Variants in VPS51 observed in about 807,000 individuals in gnomAD.
VPS51 encodes vacuolar protein sorting-associated protein 51 homolog.
Under a neutral mutation model 65.1 loss-of-function variants are expected in VPS51, and 55 were observed. The ratio of observed to expected loss-of-function variants is 0.84; its 90% CI spans 0.68 to 1.06. The LOEUF (loss-of-function observed/expected upper bound fraction) is 1.06, where lower values mean the gene tolerates loss of function less well. VPS51 is among the 50% of genes least tolerant of loss of function. VPS51 has a pLI of 0.00. For synonymous variants in VPS51, 473 were observed against 489.5 expected (o/e 0.97, Z 0.44); for missense variants, 943 against 1,101.6 (o/e 0.86, Z 2.04).
rs142955363 is a variant in VPS51, at chr11:65,111,292, G to A, written c.2089-35G>A. ...TGGGTGTCCCCCACACACACCTGCA[G>A]TCCCCAAGCTGCATCCCTGTGTCCC... On this transcript the variant is annotated intron_variant, in intron 9 of 9. Transcript: ENST00000279281. 248 of 1,599,192 alleles carry A rather than the reference G, an allele frequency of 1.6e-4. 3 individuals carry two copies. In the African/African-American group the frequency reaches 2.9e-3, roughly 19 times the overall value.
chr11:65,097,886 C>T (rs542847593), intron 2 of VPS51, among the ~76,000 whole-genome samples: 17 of 150,604 alleles, frequency 1.1e-4, no homozygotes, highest in African/African-American at 4.1e-4. Context: ...TCTGAAGAAG[C>T]ATCCCAGACA....
In VPS51 at chr11:65,109,507, G is replaced by T. The variant is rs370032164; in HGVS notation, c.1659+12G>T. 1 of 1,603,596 alleles carries T rather than the reference G, an allele frequency of 6.2e-7. No homozygotes were observed. Among genetic ancestry groups the T allele is most frequent in the East Asian group, 2.2e-5 (1 of 44,876 alleles). On this transcript the variant is annotated intron_variant, in intron 6 of 9. Coordinates refer to ENST00000279281, the MANE Select transcript of VPS51 (RefSeq NM_013265.4). ...AGTTTCTGGTGCAGGTGAAGCACTA[G>T]CTCCTAGCCGGGCAGGGAATGGTGT...
At position 65,109,462 on chromosome 11, in the gene VPS51, C is replaced by T. The variant is rs752869674; in HGVS notation, c.1626C>T (p.Ile542=). 3.1e-6 allele frequency: 5 copies of T among 1,607,638 alleles called. No individual in the cohort carries two copies. The Admixed American group carries it at 6.7e-5, about 21-fold the overall frequency. ...ACGAGACGGCCACCATCTCCTACAT[C>T]CTCACTCTCACTGATGAACAGTTTC... ...LDYETATISY[I]LTLTDEQFLV... The change falls in exon 6 of 10, where the codon ATC becomes ATT. Residue 542 remains isoleucine, a synonymous_variant. Coordinates refer to ENST00000279281, the MANE Select transcript of VPS51 (RefSeq NM_013265.4).
chr11:65,104,729 T>C (rs1260647163), intron 2 of VPS51, among the ~76,000 whole-genome samples: 1 of 152,238 alleles, frequency 6.6e-6, no homozygotes, highest in East Asian at 1.9e-4. Flanking sequence ...CTGTTATGTT[T>C]TCATAACAGT....
intron 2 of VPS51, among the ~76,000 whole-genome samples, chr11:65,100,171 T>TA (rs1947798771): frequency 6.6e-6 from 1 of 152,166 alleles, no homozygotes; most frequent in Admixed American, 6.5e-5. Context: ...ATTTGCAAGT[T>TA]AGTTATCTAA....
At chr11:65,096,836 A>T in intron 1 of VPS51, 162 bp from the exon 2 acceptor site, 1 of 1,073,728 alleles carries the variant, frequency 9.3e-7, no homozygotes, top group Non-Finnish European at 1.3e-6. Context: ...CCCCTGAGCT[A>T]GGCCACTTAG....
chr11:65,104,828 C>G (rs910079602), intron 2 of VPS51, among the ~76,000 whole-genome samples: 2 of 152,214 alleles, frequency 1.3e-5, no homozygotes, highest in Non-Finnish European at 2.9e-5. Context: ...AGGCGCTGTC[C>G]TTCAAGCCGC....
chr11:65,098,525 G>A (rs898382659), intron 2 of VPS51, among the ~76,000 whole-genome samples: 1 of 152,184 alleles, frequency 6.6e-6, no homozygotes, highest in African/African-American at 2.4e-5. Flanking sequence ...AGTAAGTCCA[G>A]GAGCCAGATC....
At chr11:65,100,992 T>C (rs1477261055) in intron 2 of VPS51, among the ~76,000 whole-genome samples, 6 of 152,250 alleles carry the variant, frequency 3.9e-5, no homozygotes, top group African/African-American at 7.2e-5. Flanking sequence ...CAACATAGAT[T>C]AACCTTGGAA....
intron 9 of VPS51, 72 bp from the exon 10 acceptor site, chr11:65,111,255 C>T (rs1186683461): frequency 6.3e-7 from 1 of 1,593,974 alleles, no homozygotes; most frequent in Non-Finnish European, 8.5e-7. Flanking sequence ...TCCCGGGCCC[C>T]TGCTTGGAAC....
rs1590815019 is a variant in VPS51, at chr11:65,111,444, C to T, written c.2206C>T (p.Gln736Ter). ...GGTGCAAGTGGACTGCCACTTTCTG[C>T]AGCTCTACCTGTGGCGTTTTGTGGC... is the stretch of plus-strand genomic sequence containing the variant. ...QQVQVDCHFL[Q>*]LYLWRFVADE... The change falls in exon 10 of 10, where the codon CAG becomes TAG. Residue 736 changes from glutamine (Q) to a stop codon, truncating the protein, a stop_gained. Transcript: ENST00000279281. LOFTEE classifies it high-confidence loss of function. 1 of 1,613,910 alleles carries T rather than the reference C, an allele frequency of 6.2e-7. No homozygotes were observed. Among genetic ancestry groups the T allele is most frequent in the Non-Finnish European group, 8.5e-7 (1 of 1,180,044 alleles).
Position 65,110,522 on chromosome 11 carries a change from G to C in VPS51, c.1919G>C (p.Ser640Thr). The part of the protein sequence containing the change: ...LYEEGVRKAQ[S>T]SDSSKRTFSV... Reference sequence around the variant, plus strand: ...GAAGAGGGTGTTCGCAAGGCCCAGAGCAGCGACTCCAGCAAGAGGACTTTC... The same window carrying C: ...GAAGAGGGTGTTCGCAAGGCCCAGACCAGCGACTCCAGCAAGAGGACTTTC... Residue 640 changes from serine (S) to threonine (T), a missense_variant, in exon 8 of 10, where the codon AGC becomes ACC. This residue lies in a region of VPS51 where 855 missense variants were observed against 953.7 expected (regional missense o/e 0.90). Transcript: ENST00000279281. 2 of 1,614,010 alleles carry C rather than the reference G, an allele frequency of 1.2e-6. No individual in the cohort carries two copies. The highest frequency in any genetic ancestry group is 1.7e-6 in the Non-Finnish European group (2 of 1,180,012).
chr11:65,107,944 T>TG lies in VPS51; in HGVS notation c.648dup (p.Pro217AlafsTer26). 1 of 1,566,780 alleles carries TG rather than the reference T, an allele frequency of 6.4e-7. No homozygotes were observed. The highest frequency in any genetic ancestry group is 8.6e-7 in the Non-Finnish European group (1 of 1,158,596). On this transcript the variant is annotated frameshift_variant, in exon 4 of 10. Coordinates refer to ENST00000279281, the MANE Select transcript of VPS51 (RefSeq NM_013265.4). LOFTEE classifies it high-confidence loss of function. The surrounding 1 kb of genome is among the most constrained non-coding windows in gnomAD (Gnocchi z 4.0). ...GCCGTGCTGCAGCAGTACCAACACC[T>TG]GCCCTCGTTCCGCGCCATCCAGGAC... is the stretch of plus-strand genomic sequence containing the variant.
chr11:65,096,488 C>A lies in VPS51; in HGVS notation c.228+10C>A. On this transcript the variant is annotated intron_variant, in intron 1 of 9. Coordinates refer to ENST00000279281, the MANE Select transcript of VPS51 (RefSeq NM_013265.4). ...AGTTTACCTAGACAAGGTGTGTGCG[C>A]ACGGGGAGTGGGGGGGTGCGGGGAG... 2 of 1,033,238 alleles carry A rather than the reference C, an allele frequency of 1.9e-6. No homozygotes were observed. The highest frequency in any genetic ancestry group is 2.7e-6 in the Non-Finnish European group (2 of 740,074). 64.0% of individuals were successfully genotyped at this position (1,033,238 alleles called of 1,614,324 possible).
rs1344406376 is a variant in VPS51, at chr11:65,111,772, C to T, written c.*185C>T. ...TTGAAGCTGAGGCTTCTGAGGCGCC[C>T]GCGTCGGGTCCGCCCCCGAGCGCCG... On this transcript the variant is annotated 3_prime_UTR_variant, in exon 10 of 10. Coordinates refer to ENST00000279281, the MANE Select transcript of VPS51 (RefSeq NM_013265.4). 5 of 1,133,938 alleles carry T rather than the reference C, an allele frequency of 4.4e-6. No homozygotes were observed. The highest frequency in any genetic ancestry group is 3.0e-4 in the Middle Eastern group (1 of 3,320). 70.2% of individuals were successfully genotyped at this position (1,133,938 alleles called of 1,614,324 possible).
At chr11:65,100,533 T>G (rs911077485) in intron 2 of VPS51, among the ~76,000 whole-genome samples, 4 of 139,184 alleles carry the variant, frequency 2.9e-5, no homozygotes, top group Admixed American at 7.2e-5. Flanking sequence ...GTGTTTTTTT[T>G]TTTTTTTTTT....
chr11:65,109,842 C>G lies in VPS51; in HGVS notation c.1797C>G (p.Asp599Glu), dbSNP rs1947877725. The change falls in exon 7 of 10, where the codon GAC (aspartate) becomes GAG (glutamate). Residue 599 changes from aspartate (D) to glutamate (E), a missense_variant. Coordinates refer to ENST00000279281, the MANE Select transcript of VPS51 (RefSeq NM_013265.4). ...TGCGCAAGAGCGTGGAGACTCGCGACTGGCTCAGCACTCTGGAGCCCCGGA... is the reference window on the plus strand; with the variant it reads ...TGCGCAAGAGCGTGGAGACTCGCGAGTGGCTCAGCACTCTGGAGCCCCGGA... Reference protein sequence around the residue: ...QMLRKSVETRDWLSTLEPRNV... With the variant: ...QMLRKSVETREWLSTLEPRNV... The G allele has an allele frequency of 6.2e-7, 1 of 1,612,024 alleles. No individual in the cohort carries two copies. The highest frequency in any genetic ancestry group is 8.5e-7 in the Non-Finnish European group (1 of 1,179,690).
intron 8 of VPS51, 23 bp downstream of exon 8, chr11:65,110,626 C>T: frequency 6.2e-7 from 1 of 1,614,102 alleles, no homozygotes. Flanking sequence ...AGGGGAGCCC[C>T]AGGGGGAAGG....
intron 2 of VPS51, among the ~76,000 whole-genome samples, chr11:65,105,204 C>G (rs1947833747): frequency 6.6e-6 from 1 of 151,940 alleles, no homozygotes; most frequent in Admixed American, 6.6e-5. Context: ...ACCAGTCTGG[C>G]CAACATGGTG....
Sources: gnomAD v4.1 joint callset for allele counts (sites outside exome capture counted in the v4.1 genomes callset) on GRCh38, gnomAD v4.1.1 for gene constraint, gnomAD v4.1.1 regional missense constraint, Gnocchi (gnomAD v3.1) non-coding constraint, MANE v1.5 for transcripts, NCBI Gene and HGNC (gene_info 2026-07-23, HGNC 2026-07-21) for gene names.